The following CIITA variants were observed in gnomAD, a reference collection of about 807,000 sequenced individuals.
CIITA encodes the protein class II major histocompatibility complex transactivator, also known as MHC class II transactivator.
CIITA carries 72 observed loss-of-function variants against 115.1 expected under a neutral mutation model. The observed-to-expected ratio is 0.63, with a 90% CI of 0.52 to 0.76. CIITA has a LOEUF of 0.76. Ranked by LOEUF, CIITA falls within the 30% of genes least tolerant of loss-of-function variation. The pLI, the probability that CIITA is intolerant of heterozygous loss-of-function variation, is 0.00. For missense variants in CIITA, 1,617 were observed against 1,463.8 expected (o/e 1.10, Z -1.71); for synonymous variants, 763 against 635.6 (o/e 1.20, Z -3.02).
rs766625949 is a variant in CIITA at position 10,906,758 on chromosome 16, T to A, written c.1266T>A (p.Ala422=). The change falls in exon 11 of 20, where the codon GCT becomes GCA. Residue 422 remains alanine, a synonymous_variant. Transcript: ENST00000324288. ...ETRVIAVLGK[A]GQGKSYWAGA... ...GAGTGATTGCTGTGCTGGGCAAAGC[T>A]GGTCAGGGCAAGAGCTATTGGGCTG... 1 of 1,611,020 alleles carries A rather than the reference T, an allele frequency of 6.2e-7. No homozygotes were observed. Among genetic ancestry groups the A allele is most frequent in the South Asian group, 1.1e-5 (1 of 91,060 alleles).
Position 10,925,876 on chromosome 16 carries a change from GC to G in CIITA, c.*2023del, listed in dbSNP as rs2040512062. ...CTTACCAAGGGGAATGTTTGCCTCT[GC>G]CTCTGACACACAGCTCTGTCCTGGG... On this transcript the variant is annotated 3_prime_UTR_variant, in exon 20 of 20. Transcript: ENST00000324288. The G allele has an allele frequency of 6.6e-6, 1 of 152,242 alleles. No homozygotes were observed. The highest frequency in any genetic ancestry group is 1.5e-5 in the Non-Finnish European group (1 of 68,046). The allele number at this position is 152,242 out of a possible 1,614,324, so 9.4% of individuals were successfully genotyped here.
chr16:10,926,946 A>C lies in CIITA; in HGVS notation c.*3091A>C, dbSNP rs956441351. 1 of 152,196 alleles carries C rather than the reference A, an allele frequency of 6.6e-6. No homozygotes were observed. Among genetic ancestry groups the C allele is most frequent in the Non-Finnish European group, 1.5e-5 (1 of 68,048 alleles). 9.4% of individuals were successfully genotyped at this position (152,196 alleles called of 1,614,324 possible). A position where few individuals can be genotyped will look rare whatever the true frequency, so the allele number is the denominator to read the frequency against. On this transcript the variant is annotated 3_prime_UTR_variant, in exon 20 of 20. Coordinates refer to ENST00000324288, the MANE Select transcript of CIITA (RefSeq NM_000246.4). ...GTGCCAGACACTGTGCTAAACTCCT[A>C]CTCAAGAGGGATAAGAGTCTAGGGG...
At chr16:10,900,867 T>A (rs570766013) in intron 5 of CIITA, among the ~76,000 whole-genome samples, 3 of 152,314 alleles carry the variant, frequency 2.0e-5, no homozygotes, top group Admixed American at 2.0e-4. Context: ...TTATCACATC[T>A]CTATTCATCT....
chr16:10,886,715 A>T (rs1218310771), intron 1 of CIITA, among the ~76,000 whole-genome samples: 1 of 152,204 alleles, frequency 6.6e-6, no homozygotes, highest in Non-Finnish European at 1.5e-5. Flanking sequence ...CTTACTCGCT[A>T]AGTCACTTTA....
In CIITA at chr16:10,879,665, G is replaced by A. The variant is rs2036220725; in HGVS notation, c.52+2283G>A. Among the ~76,000 whole-genome samples the A allele has an allele frequency of 6.6e-6, 1 of 152,166 alleles. No homozygotes were observed. The highest frequency in any genetic ancestry group is 2.4e-5 in the African/African-American group (1 of 41,442). ...GGGAGGGATCCCCCCGGACTGAACCGATCTCTTGATCTCTCACTTCTCTAC... is the reference window on the plus strand; with the variant it reads ...GGGAGGGATCCCCCCGGACTGAACCAATCTCTTGATCTCTCACTTCTCTAC... On this transcript the variant is annotated intron_variant, in intron 1 of 19. Transcript: ENST00000324288. The surrounding 1 kb of genome is among the most constrained non-coding windows in gnomAD (Gnocchi z 4.3).
chr16:10,895,586 A>G, intron 2 of CIITA, 83 bp from the exon 3 acceptor site: 2 of 1,578,514 alleles, frequency 1.3e-6, no homozygotes, highest in South Asian at 1.1e-5. Flanking sequence ...ATGATCTCCC[A>G]GCCCTGCCCC....
At chr16:10,877,200 T>TTAGTGATGAGGC, upstream of CIITA, 1 of 775,428 alleles carries the variant, frequency 1.3e-6, no homozygotes. Flanking sequence ...TGGTGACTGG[T>TTAGTGATGAGGC]TAGTGATGAG....
In CIITA at chr16:10,929,274, G is replaced by C. The variant is rs932037058; in HGVS notation, c.*5419G>C. On this transcript the variant is annotated 3_prime_UTR_variant, in exon 20 of 20. Transcript: ENST00000324288. The surrounding 1 kb of genome is among the most constrained non-coding windows in gnomAD (Gnocchi z 4.3). ...GTCCGCAGTTTGAAGTGTCCTCTCC[G>C]AAGGTGAAGTGGGGGAAGCAGGTGC... is the stretch of plus-strand genomic sequence containing the variant. 60 of 985,820 alleles carry C rather than the reference G, an allele frequency of 6.1e-5. No homozygotes were observed. The highest frequency in any genetic ancestry group is 5.2e-4 in the Middle Eastern group (1 of 1,936). 61.1% of individuals were successfully genotyped at this position (985,820 alleles called of 1,614,324 possible). A position where few individuals can be genotyped will look rare whatever the true frequency, so the allele number is the denominator to read the frequency against.
chr16:10,906,735 G>C lies in CIITA; in HGVS notation c.1243G>C (p.Val415Leu), dbSNP rs747411244. ...KEHRRPRETR[V>L]IAVLGKAGQG... ...GCACCGGCGGCCGCGTGAGACACGA[G>C]TGATTGCTGTGCTGGGCAAAGCTGG... Residue 415 changes from valine to leucine, a missense_variant, in exon 11 of 20, where the codon GTG becomes CTG. Coordinates refer to ENST00000324288, the MANE Select transcript of CIITA (RefSeq NM_000246.4). The C allele has an allele frequency of 2.5e-6, 4 of 1,611,002 alleles. No individual in the cohort carries two copies. In the South Asian group the frequency reaches 4.4e-5, roughly 18 times the overall value.
chr16:10,921,147 G>A (rs909957169), intron 16 of CIITA, among the ~76,000 whole-genome samples: 8 of 152,232 alleles, frequency 5.3e-5, no homozygotes, highest in Non-Finnish European at 5.9e-5. Flanking sequence ...GATTACAGGC[G>A]TGAGCCACTG....
At position 10,929,333 on chromosome 16, in the gene CIITA, G is replaced by C. The variant is rs1596639419; in HGVS notation, c.*5478G>C. On this transcript the variant is annotated 3_prime_UTR_variant, in exon 20 of 20. Transcript: ENST00000324288. The surrounding 1 kb of genome is among the most constrained non-coding windows in gnomAD (Gnocchi z 4.3). The stretch of plus-strand genomic sequence containing the variant: ...ATGAAGTGCAGGGAGGCAAACTCTG[G>C]CTGGGTTCCTGTAAACATCCATCGC... 1.0e-6 allele frequency: 1 copy of C among 985,938 alleles called. No individual in the cohort carries two copies. The highest frequency in any genetic ancestry group is 1.7e-5 in the African/African-American group (1 of 57,366). 61.1% of individuals were successfully genotyped at this position (985,938 alleles called of 1,614,324 possible).
At chr16:10,898,101 C>T (rs1274676162) in intron 3 of CIITA, among the ~76,000 whole-genome samples, 1 of 152,158 alleles carries the variant, frequency 6.6e-6, no homozygotes, top group African/African-American at 2.4e-5. Context: ...CCTGATTGCC[C>T]TATTCCACCA....
chr16:10,922,523 A>AACTC (rs1337310315), intron 18 of CIITA, 33 bp downstream of exon 18: 3 of 1,608,004 alleles, frequency 1.9e-6, no homozygotes, highest in Non-Finnish European at 2.6e-6. Flanking sequence ...GGTGGAGAAC[A>AACTC]ACTCACTCCC....
chr16:10,879,204 C>T lies in CIITA; in HGVS notation c.52+1822C>T, dbSNP rs569618128. Among the ~76,000 whole-genome samples, 2 of 152,150 alleles carry T rather than the reference C, an allele frequency of 1.3e-5. No homozygotes were observed. The highest frequency in any genetic ancestry group is 2.1e-4 in the South Asian group (1 of 4,830). Reference sequence around the variant, plus strand: ...GGAAACACCTCGTTTCCAGCATCCCCGCAACGACTCTGCGCGGGAACCAGG... The same window carrying T: ...GGAAACACCTCGTTTCCAGCATCCCTGCAACGACTCTGCGCGGGAACCAGG... On this transcript the variant is annotated intron_variant, in intron 1 of 19. Transcript: ENST00000324288. This position sits in a 1 kb window ranked among gnomAD's most constrained non-coding sequence, Gnocchi z 4.3.
In CIITA at chr16:10,899,866, G is replaced by C. The variant is rs374424375; in HGVS notation, c.436+864G>C. ...AGGCCAAGGGGGACGGATCACTTGA[G>C]GTCAGGAGTTTGATACCTGCCTGGC... is the stretch of plus-strand genomic sequence containing the variant. On this transcript the variant is annotated intron_variant, in intron 5 of 19. Coordinates refer to ENST00000324288, the MANE Select transcript of CIITA (RefSeq NM_000246.4). 2.6e-5 allele frequency among the ~76,000 whole-genome samples: 4 copies of C among 152,124 alleles called. No individual in the cohort carries two copies. In the East Asian group the frequency reaches 5.8e-4, roughly 22 times the overall value.
intron 16 of CIITA, among the ~76,000 whole-genome samples, chr16:10,919,643 G>C (rs1384170420): frequency 6.6e-6 from 1 of 152,038 alleles, no homozygotes; most frequent in African/African-American, 2.4e-5. Context: ...CAAGTAGCTG[G>C]GTCCTATACC....
rs563321163 is a variant in CIITA at position 10,877,491 on chromosome 16, A to G, written c.52+109A>G. On this transcript the variant is annotated intron_variant, in intron 1 of 19. Coordinates refer to ENST00000324288, the MANE Select transcript of CIITA (RefSeq NM_000246.4). ...AATTGGGGATGGGGGTGAGGATGGG[A>G]ACAGGAGTCTGTGTCCTGCTGGGGC... 743 of 1,140,846 alleles carry G rather than the reference A, an allele frequency of 6.5e-4. 5 individuals are homozygous for G. Among genetic ancestry groups the G allele is most frequent in the Non-Finnish European group, 7.4e-5 (57 of 771,310 alleles). 70.7% of individuals were successfully genotyped at this position (1,140,846 alleles called of 1,614,324 possible). A position where few individuals can be genotyped will look rare whatever the true frequency, so the allele number is the denominator to read the frequency against.
intron 10 of CIITA, 69 bp downstream of exon 10, chr16:10,904,881 C>T: frequency 6.7e-7 from 1 of 1,499,438 alleles, no homozygotes; most frequent in Non-Finnish European, 9.3e-7. Context: ...TCACATTGCT[C>T]ATTCACTTGA....
chr16:10,875,886 C>T (rs993078181), upstream of CIITA, among the ~76,000 whole-genome samples: 3 of 152,064 alleles, frequency 2.0e-5, no homozygotes, highest in South Asian at 2.1e-4. Context: ...AGGAGAATGG[C>T]GTGAACCCAG....
Sources: allele counts gnomAD v4.1 joint callset (sites outside exome capture counted in the v4.1 genomes callset), GRCh38; gene constraint gnomAD v4.1.1; non-coding constraint Gnocchi (gnomAD v3.1); transcripts MANE v1.5; gene names NCBI Gene and HGNC (gene_info 2026-07-23, HGNC 2026-07-21).